Variants in SLC35F3 observed in about 807,000 individuals in gnomAD.
The protein encoded by SLC35F3 is solute carrier family 35 member F3.
SLC35F3 carries 25 observed loss-of-function variants against 49.9 expected under a neutral mutation model. The observed-to-expected ratio is 0.50, with a 90% CI of 0.37 to 0.70. The LOEUF is 0.70. Among genes scored for constraint, SLC35F3 ranks in the 30% least tolerant of loss-of-function variants. The pLI, the probability that SLC35F3 is intolerant of heterozygous loss-of-function variation, is 0.00. For synonymous variants in SLC35F3, 275 were observed against 265.4 expected, an observed-to-expected ratio of 1.04 and a Z score of -0.35; for missense variants, 525 against 639.8, an observed-to-expected ratio of 0.82 and a Z score of 1.94.
chr1:234,157,448 A>G (rs1389801025), intron 2 of SLC35F3, among the ~76,000 whole-genome samples: 1 of 152,108 alleles, frequency 6.6e-6, no homozygotes, highest in Admixed American at 6.6e-5. Flanking sequence ...CTCTGACATC[A>G]TCTTCTACTT....
chr1:234,165,165 T>C (rs886381020), intron 2 of SLC35F3, among the ~76,000 whole-genome samples: 2 of 152,092 alleles, frequency 1.3e-5, no homozygotes, highest in African/African-American at 2.4e-5. Flanking sequence ...ATATATAGCA[T>C]TGAATATAGT....
chr1:233,933,825 C>T (rs544324049), intron 2 of SLC35F3, among the ~76,000 whole-genome samples: 13 of 152,222 alleles, frequency 8.5e-5, no homozygotes, highest in South Asian at 6.2e-4. Context: ...TGCATTCCAA[C>T]TTGAATGACA....
rs779251735 is a variant in SLC35F3, at chr1:234,231,789, T to C, written c.608+48T>C. ...GGCCTCCTGACCCCGGGCTGCTCCA[T>C]CCAGCGCTGACTCTGCAGAGCTGCC... On this transcript the variant is annotated intron_variant, in intron 3 of 7. Transcript: ENST00000366618. The surrounding 1 kb of genome is among the most constrained non-coding windows in gnomAD (Gnocchi z 5.4). 6.5e-7 allele frequency: 1 copy of C among 1,538,718 alleles called. No individual in the cohort carries two copies. The highest frequency in any genetic ancestry group is 1.2e-5 in the South Asian group (1 of 80,804).
chr1:234,316,641 A>T lies in SLC35F3; in HGVS notation c.868A>T (p.Met290Leu). ...CCTCGCCATCGCTGGCATTGTGATGATGACCTACGCTGATGGCTTCCACAG... is the reference window on the plus strand; with the variant it reads ...CCTCGCCATCGCTGGCATTGTGATGTTGACCTACGCTGATGGCTTCCACAG... Reference protein sequence around the residue: ...AILAIAGIVMMTYADGFHSHS... With the variant: ...AILAIAGIVMLTYADGFHSHS... Residue 290 changes from methionine to leucine, a missense_variant, in exon 5 of 8, where the codon ATG becomes TTG. Physicochemically the swap from Met to Leu is conservative, Grantham distance 15. Coordinates refer to ENST00000366618, the MANE Select transcript of SLC35F3 (RefSeq NM_173508.4). The T allele has an allele frequency of 6.2e-7, 1 of 1,612,590 alleles. No individual in the cohort carries two copies. Among genetic ancestry groups the T allele is most frequent in the Non-Finnish European group, 8.5e-7 (1 of 1,178,714 alleles).
Position 234,231,372 on chromosome 1 carries a change from G to C in SLC35F3, c.284-45G>C. 6.3e-6 allele frequency: 9 copies of C among 1,421,210 alleles called. No homozygotes were observed. The highest frequency in any genetic ancestry group is 2.5e-5 in the East Asian group (1 of 39,960). The allele number at this position is 1,421,210 out of a possible 1,614,324, so 88.0% of individuals were successfully genotyped here. On this transcript the variant is annotated intron_variant, in intron 2 of 7. Transcript: ENST00000366618. This position sits in a 1 kb window ranked among gnomAD's most constrained non-coding sequence, Gnocchi z 5.4. Reference sequence around the variant, plus strand: ...GGGCAGCGCCCTGCGAAGTGCAGGGGTGAAGGTCTGCAGGCCCCGCTAACC... The same window carrying C: ...GGGCAGCGCCCTGCGAAGTGCAGGGCTGAAGGTCTGCAGGCCCCGCTAACC...
intron 2 of SLC35F3, among the ~76,000 whole-genome samples, chr1:233,996,216 C>T (rs1663457195): frequency 6.6e-6 from 1 of 152,100 alleles, no homozygotes. Context: ...TATCGTTGTT[C>T]CCTAAACAAT....
intron 2 of SLC35F3, among the ~76,000 whole-genome samples, chr1:234,189,612 A>C (rs971096633): frequency 6.6e-6 from 1 of 152,052 alleles, no homozygotes; most frequent in Non-Finnish European, 1.5e-5. Context: ...TTCCTGAGGA[A>C]GAAGAGAAAT....
At chr1:234,126,992 C>A (rs1027222405) in intron 2 of SLC35F3, among the ~76,000 whole-genome samples, 4 of 152,224 alleles carry the variant, frequency 2.6e-5, no homozygotes, top group Non-Finnish European at 5.9e-5. Context: ...CCACCCCACC[C>A]AAGCCTTCTT....
chr1:234,307,622 C>G (rs905848293), intron 3 of SLC35F3, among the ~76,000 whole-genome samples: 1 of 152,204 alleles, frequency 6.6e-6, no homozygotes, highest in Admixed American at 6.5e-5. Context: ...GCTATTCCCC[C>G]AACCTAGTGC....
chr1:234,184,463 A>C (rs1392980545), intron 2 of SLC35F3, among the ~76,000 whole-genome samples: 6 of 152,330 alleles, frequency 3.9e-5, no homozygotes, highest in African/African-American at 1.4e-4. Flanking sequence ...TGATAGAGAA[A>C]ACCACCCAAG....
rs141368581 is a variant in SLC35F3, at chr1:234,186,416, G to C, written c.284-45001G>C. 4.1e-4 allele frequency among the ~76,000 whole-genome samples: 63 copies of C among 152,326 alleles called. No individual in the cohort carries two copies. In the South Asian group the frequency reaches 9.3e-3, roughly 23 times the overall value. ...ACTGATGCCAAATTTCAGTGGATGC[G>C]TAGCAAACCCTGAGCAAAGGGCTGA... On this transcript the variant is annotated intron_variant, in intron 2 of 7. Transcript: ENST00000366618.
intron 6 of SLC35F3, 145 bp from the exon 7 acceptor site, chr1:234,319,953 C>A (rs1657578057): frequency 3.2e-6 from 2 of 628,368 alleles, no homozygotes; most frequent in Non-Finnish European, 5.8e-6. Flanking sequence ...CAGAGGAACT[C>A]TGAGTTCACT....
intron 2 of SLC35F3, among the ~76,000 whole-genome samples, chr1:234,063,186 AG>A (rs1163397820): frequency 6.6e-5 from 10 of 152,108 alleles, no homozygotes; most frequent in African/African-American, 2.4e-4. Context: ...CTCATGGCCC[AG>A]TGAGGAGTTA....
chr1:234,232,524 A>AAAAG (rs1667396562), intron 3 of SLC35F3, among the ~76,000 whole-genome samples: 1 of 140,550 alleles, frequency 7.1e-6, no homozygotes, highest in Non-Finnish European at 1.5e-5. Context: ...CTAGTCAAAA[A>AAAAG]AAAAAAAAAA....
intron 2 of SLC35F3, among the ~76,000 whole-genome samples, chr1:234,209,191 T>C (rs1450667960): frequency 6.6e-6 from 1 of 152,238 alleles, no homozygotes; most frequent in African/African-American, 2.4e-5. Context: ...ACAGTATTGT[T>C]GCCATTGATA....
At chr1:234,157,285 T>A (rs893878436) in intron 2 of SLC35F3, among the ~76,000 whole-genome samples, 1 of 152,134 alleles carries the variant, frequency 6.6e-6, no homozygotes, top group African/African-American at 2.4e-5. Flanking sequence ...TTTTCTTTTT[T>A]ATATTCTCAT....
intron 2 of SLC35F3, among the ~76,000 whole-genome samples, chr1:234,033,354 GT>G (rs1387943221): frequency 2.0e-5 from 3 of 152,112 alleles, no homozygotes; most frequent in African/African-American, 7.2e-5. Context: ...GAAGTTTTTA[GT>G]TTAATTAAGT....
At chr1:234,096,862 C>T (rs1168071941) in intron 2 of SLC35F3, among the ~76,000 whole-genome samples, 2 of 150,720 alleles carry the variant, frequency 1.3e-5, no homozygotes, top group East Asian at 1.9e-4. Flanking sequence ...CTGGATCGAA[C>T]GGTAAATCTA....
At chr1:233,999,581 T>G (rs1663517800) in intron 2 of SLC35F3, among the ~76,000 whole-genome samples, 1 of 152,074 alleles carries the variant, frequency 6.6e-6, no homozygotes, top group Admixed American at 6.6e-5. Context: ...CCTTTGCTTG[T>G]TTCCTGTTTC....
Sources: gnomAD v4.1 joint callset for allele counts (sites outside exome capture counted in the v4.1 genomes callset) on GRCh38, gnomAD v4.1.1 for gene constraint, Gnocchi (gnomAD v3.1) non-coding constraint, MANE v1.5 for transcripts, NCBI Gene and HGNC (gene_info 2026-07-23, HGNC 2026-07-21) for gene names.